SHC3: variants seen among roughly 807,000 people sequenced by gnomAD.
The protein encoded by SHC3 is SHC-transforming protein 3.
SHC3 carries 15 observed loss-of-function variants against 60.4 expected under a neutral mutation model. That is an observed-to-expected ratio of 0.25 (90% CI 0.17 to 0.38). SHC3 has a LOEUF of 0.38. Ranked by LOEUF, SHC3 falls within the 10% of genes least tolerant of loss-of-function variation. The pLI, the probability that SHC3 is intolerant of heterozygous loss-of-function variation, is 1.00. For synonymous variants in SHC3, 294 were observed against 325.9 expected (o/e 0.90, Z 1.05); for missense variants, 677 against 786.1 (o/e 0.86, Z 1.66).
At chr9:89,177,299 G>A (rs1017208392) in intron 1 of SHC3, among the ~76,000 whole-genome samples, 3 of 152,182 alleles carry the variant, frequency 2.0e-5, no homozygotes, top group African/African-American at 7.2e-5. Flanking sequence ...GGCTCCAAGC[G>A]CAGCGCCCTA....
chr9:89,113,796 G>A (rs1372562425), intron 1 of SHC3, among the ~76,000 whole-genome samples: 1 of 152,150 alleles, frequency 6.6e-6, no homozygotes, highest in African/African-American at 2.4e-5. Context: ...AGCATTAAGA[G>A]AATACCACTA....
intron 11 of SHC3, among the ~76,000 whole-genome samples, chr9:89,036,532 G>A (rs1049175231): frequency 6.6e-6 from 1 of 152,184 alleles, no homozygotes; most frequent in African/African-American, 2.4e-5. Flanking sequence ...AAAAACATGC[G>A]TGAGAGTTTG....
chr9:89,042,487 G>A (rs944516953), intron 9 of SHC3, among the ~76,000 whole-genome samples: 1 of 152,190 alleles, frequency 6.6e-6, no homozygotes, highest in Non-Finnish European at 1.5e-5. Flanking sequence ...GCAGGAGCCT[G>A]GCAGGCAGAA....
At chr9:89,094,052 C>T (rs1038042321) in intron 2 of SHC3, among the ~76,000 whole-genome samples, 5 of 147,250 alleles carry the variant, frequency 3.4e-5, no homozygotes, top group Admixed American at 1.4e-4. Flanking sequence ...TGCAGTGAGC[C>T]GAGATTGCAC....
intron 2 of SHC3, chr9:89,109,316 C>A: frequency 1.2e-6 from 1 of 812,354 alleles, no homozygotes; most frequent in Non-Finnish European, 1.5e-6. Context: ...TCATGGTGCC[C>A]AGCATGCAGT....
intron 5 of SHC3, among the ~76,000 whole-genome samples, chr9:89,066,959 A>T (rs1223573519): frequency 2.0e-5 from 3 of 152,174 alleles, no homozygotes; most frequent in African/African-American, 7.2e-5. Flanking sequence ...GATCTTACAC[A>T]GCCCAACAAG....
intron 1 of SHC3, among the ~76,000 whole-genome samples, chr9:89,150,748 T>G (rs1410570076): frequency 6.6e-6 from 1 of 152,212 alleles, no homozygotes; most frequent in Non-Finnish European, 1.5e-5. Flanking sequence ...CTGGGTCTTA[T>G]GGTAATTCTG....
intron 11 of SHC3, among the ~76,000 whole-genome samples, chr9:89,015,399 G>T (rs1826077076): frequency 6.6e-6 from 1 of 152,196 alleles, no homozygotes; most frequent in African/African-American, 2.4e-5. Context: ...GGACCTTTTA[G>T]TAGCCACAGC....
At chr9:89,085,049 A>T (rs928089838) in intron 2 of SHC3, among the ~76,000 whole-genome samples, 1 of 152,226 alleles carries the variant, frequency 6.6e-6, no homozygotes, top group African/African-American at 2.4e-5. Context: ...GGCTTTAAAG[A>T]TCTCAGTTCC....
At chr9:89,083,398 G>A (rs993132316) in intron 2 of SHC3, among the ~76,000 whole-genome samples, 8 of 152,332 alleles carry the variant, frequency 5.3e-5, no homozygotes, top group Non-Finnish European at 5.9e-5. Flanking sequence ...GTGCAGGAGC[G>A]CCAGCTGGCT....
intron 10 of SHC3, 54 bp from the exon 11 acceptor site, chr9:89,038,342 TAAAAAAAA>T: frequency 8.1e-7 from 1 of 1,231,078 alleles, no homozygotes; most frequent in Non-Finnish European, 1.1e-6. Context: ...GAGCAAATGA[TAAAAAAAA>T]AAAAAAAAAA....
At chr9:89,153,222 T>C (rs1260397195) in intron 1 of SHC3, among the ~76,000 whole-genome samples, 2 of 152,252 alleles carry the variant, frequency 1.3e-5, no homozygotes, top group African/African-American at 4.8e-5. Context: ...AAATAATGTA[T>C]GTTCATTGCA....
At chr9:89,120,424 C>T (rs1165728149) in intron 1 of SHC3, among the ~76,000 whole-genome samples, 1 of 152,106 alleles carries the variant, frequency 6.6e-6, no homozygotes, top group Non-Finnish European at 1.5e-5. Flanking sequence ...AAAGGAAATT[C>T]ACAGAAGAAA....
intron 1 of SHC3, among the ~76,000 whole-genome samples, chr9:89,154,959 G>A (rs543677847): frequency 6.6e-6 from 1 of 152,344 alleles, no homozygotes; most frequent in East Asian, 1.9e-4. Context: ...ATAAAACTAA[G>A]CAGCCATCTT....
chr9:89,147,817 C>T (rs1278360768), intron 1 of SHC3, among the ~76,000 whole-genome samples: 4 of 152,110 alleles, frequency 2.6e-5, no homozygotes, highest in Admixed American at 6.5e-5. Context: ...GATAGCCTGA[C>T]ACCCCAGCTC....
chr9:89,096,488 G>T (rs1825703464), intron 2 of SHC3, among the ~76,000 whole-genome samples: 1 of 152,130 alleles, frequency 6.6e-6, no homozygotes, highest in African/African-American at 2.4e-5. Flanking sequence ...TGACATGATT[G>T]CTTAATATTA....
At chr9:89,109,404 T>C (rs1825913906) in intron 2 of SHC3, 3 of 982,542 alleles carry the variant, frequency 3.1e-6, no homozygotes, top group Admixed American at 6.2e-5. Context: ...ATACATAGAG[T>C]TGGGACGGAA....
chr9:89,163,091 A>G (rs1395653228), intron 1 of SHC3, among the ~76,000 whole-genome samples: 1 of 144,748 alleles, frequency 6.9e-6, no homozygotes, highest in Non-Finnish European at 1.5e-5. Flanking sequence ...AAGTCAGGAA[A>G]CAACAGGTGC....
intron 2 of SHC3, among the ~76,000 whole-genome samples, chr9:89,092,652 C>T (rs181204593): frequency 0.013 from 2,021 of 150,274 alleles, 17 homozygotes; most frequent in South Asian, 0.033. Context: ...AGGTTTTAGG[C>T]CCCAATCTAC....
Sources: gnomAD v4.1 joint callset for allele counts (sites outside exome capture counted in the v4.1 genomes callset) on GRCh38, gnomAD v4.1.1 for gene constraint, MANE v1.5 for transcripts, NCBI Gene and HGNC (gene_info 2026-07-23, HGNC 2026-07-21) for gene names.